The following CCDC171 variants were observed in gnomAD, a reference collection of about 807,000 sequenced individuals.
CCDC171 encodes the protein coiled-coil domain-containing protein 171.
CCDC171 carries 177 observed loss-of-function variants against 168.2 expected under a neutral mutation model. The ratio of observed to expected loss-of-function variants is 1.05; its 90% confidence interval spans 0.93 to 1.19. The LOEUF (loss-of-function observed/expected upper bound fraction) is 1.19, where lower values mean the gene tolerates loss of function less well. CCDC171 is among the 50% of genes most tolerant of loss of function. The pLI, the probability that CCDC171 is intolerant of heterozygous loss-of-function variation, is 0.00. For missense variants in CCDC171, 1,991 were observed against 1,539.0 expected, an observed-to-expected ratio of 1.29 and a Z score of -4.91; for synonymous variants, 687 against 540.8, an observed-to-expected ratio of 1.27 and a Z score of -3.75.
chr9:15,792,192 C>G (rs149058953), intron 21 of CCDC171, among the ~76,000 whole-genome samples: 4,574 of 152,232 alleles, frequency 0.03, 232 homozygotes, highest in African/African-American at 0.1. Context: ...GCTTCAGTAG[C>G]TGATTTGATC....
intron 24 of CCDC171, chr9:15,886,620 A>C (rs1038076964): frequency 6.6e-6 from 1 of 152,168 alleles, no homozygotes; most frequent in African/African-American, 2.4e-5. Flanking sequence ...CTGGGTATAC[A>C]TCAAAAGGAA....
chr9:15,890,411 GAAATAC>G (rs968590144), intron 24 of CCDC171, among the ~76,000 whole-genome samples: 3 of 152,120 alleles, frequency 2.0e-5, no homozygotes, highest in African/African-American at 7.2e-5. Context: ...CTATTGTCAG[GAAATAC>G]AAATAGGAAA....
intron 1 of CCDC171, among the ~76,000 whole-genome samples, chr9:15,562,152 G>C (rs184492833): frequency 6.6e-6 from 1 of 151,920 alleles, no homozygotes; most frequent in African/African-American, 2.4e-5. Flanking sequence ...CCACCATCAC[G>C]CCCAGCTAAT....
intron 6 of CCDC171, among the ~76,000 whole-genome samples, chr9:16,024,898 A>C (rs185940959): frequency 6.6e-6 from 1 of 152,302 alleles, no homozygotes; most frequent in East Asian, 1.9e-4. Flanking sequence ...TTGGATAACC[A>C]ATCATCTCAG....
At chr9:15,912,046 C>T (rs1823738258) in intron 24 of CCDC171, among the ~76,000 whole-genome samples, 1 of 152,130 alleles carries the variant, frequency 6.6e-6, no homozygotes. Context: ...CTTTTTGTTC[C>T]ATATGAAATT....
intron 2 of CCDC171, among the ~76,000 whole-genome samples, chr9:15,566,791 G>T (rs1463668764): frequency 6.6e-6 from 1 of 152,042 alleles, no homozygotes; most frequent in South Asian, 2.1e-4. Flanking sequence ...TTTTCTTCTA[G>T]AAGTTTTATA....
At chr9:15,832,295 T>C (rs1046353366) in intron 21 of CCDC171, among the ~76,000 whole-genome samples, 26 of 152,334 alleles carry the variant, frequency 1.7e-4, no homozygotes, top group African/African-American at 6.0e-4. Flanking sequence ...TTTGTGTGCC[T>C]TCCTTAAATG....
At chr9:15,669,952 T>TAAAA (rs34465887) in intron 9 of CCDC171, among the ~76,000 whole-genome samples, 1 of 112,328 alleles carries the variant, frequency 8.9e-6, no homozygotes, top group African/African-American at 3.3e-5. Context: ...GCTGAAGTCT[T>TAAAA]AAAAAAAAAA....
At chr9:15,788,552 A>G (rs1310525176) in intron 21 of CCDC171, among the ~76,000 whole-genome samples, 1 of 151,808 alleles carries the variant, frequency 6.6e-6, no homozygotes, top group Non-Finnish European at 1.5e-5. Context: ...CAATCACTTA[A>G]CATTTTGGGA....
chr9:15,571,799 G>C, intron 3 of CCDC171, 40 bp downstream of exon 3: 12 of 1,533,534 alleles, frequency 7.8e-6, no homozygotes, highest in Non-Finnish European at 9.6e-6. Flanking sequence ...TAAAAGTTGA[G>C]TTTGATTTTT....
the CCDC171 span, among the ~76,000 whole-genome samples, chr9:16,095,471 CA>C: frequency 6.6e-6 from 1 of 152,038 alleles, no homozygotes; most frequent in African/African-American, 2.4e-5. Flanking sequence ...TCTCTCTCCC[CA>C]CTCTTTCGTT....
chr9:16,103,212 A>C, the CCDC171 span, among the ~76,000 whole-genome samples: 3 of 152,308 alleles, frequency 2.0e-5, no homozygotes, highest in African/African-American at 7.2e-5. Flanking sequence ...TTAAGTAACA[A>C]AGATAAGGGG....
intron 23 of CCDC171, among the ~76,000 whole-genome samples, chr9:15,849,416 A>T (rs1294464885): frequency 6.6e-6 from 1 of 151,408 alleles, no homozygotes; most frequent in Admixed American, 6.6e-5. Context: ...TCTTGTAAGA[A>T]TATATTCTTA....
Position 16,023,472 on chromosome 9 carries a change from C to T in CCDC171, n.998+564C>T, listed in dbSNP as rs561504454. 7.3e-4 allele frequency among the ~76,000 whole-genome samples: 111 copies of T among 152,270 alleles called. 1 individual carries two copies. Among genetic ancestry groups the T allele is most frequent in the African/African-American group, 2.6e-3 (109 of 41,550 alleles). On this transcript the variant is annotated intron_variant and non_coding_transcript_variant, in intron 6 of 9. Transcript: ENST00000486641. ...TCTCAAGAAATAATGAACATTGCCG[C>T]ACTGACTTAAGAATCACCACCCTGA...
At chr9:16,004,301 G>A (rs1311216281) in intron 3 of CCDC171, among the ~76,000 whole-genome samples, 3 of 152,198 alleles carry the variant, frequency 2.0e-5, no homozygotes, top group Non-Finnish European at 4.4e-5. Context: ...TGTCAGGCCA[G>A]AGCACAGCCA....
intron 11 of CCDC171, among the ~76,000 whole-genome samples, chr9:15,715,216 CG>C (rs2052991966): frequency 6.6e-6 from 1 of 152,114 alleles, no homozygotes; most frequent in South Asian, 2.1e-4. Context: ...TCCCAAGAGA[CG>C]TAGTTAGAGA....
At chr9:15,831,057 C>T (rs1335647537) in intron 21 of CCDC171, among the ~76,000 whole-genome samples, 1 of 150,284 alleles carries the variant, frequency 6.7e-6, no homozygotes, top group Non-Finnish European at 1.5e-5. Flanking sequence ...GCAAGCTCCA[C>T]CTCCCAGGTT....
chr9:15,841,629 T>C (rs2060683630), intron 21 of CCDC171, among the ~76,000 whole-genome samples: 1 of 152,002 alleles, frequency 6.6e-6, no homozygotes, highest in South Asian at 2.1e-4. Flanking sequence ...TGTATTTAAA[T>C]TCCTCATATA....
intron 24 of CCDC171, among the ~76,000 whole-genome samples, chr9:15,876,274 A>G (rs987875609): frequency 6.6e-6 from 1 of 152,160 alleles, no homozygotes; most frequent in East Asian, 1.9e-4. Context: ...ATTGTAGTTT[A>G]GTAGTATACA....
Sources: allele counts gnomAD v4.1 joint callset (sites outside exome capture counted in the v4.1 genomes callset), GRCh38; gene constraint gnomAD v4.1.1; transcripts MANE v1.5; gene names NCBI Gene and HGNC (gene_info 2026-07-23, HGNC 2026-07-21).